Variants in CNTLN observed in about 807,000 individuals in gnomAD.
The protein encoded by CNTLN is centlein, centrosomal protein.
Under a neutral mutation model 180.0 loss-of-function variants are expected in CNTLN, and 212 were observed. The observed-to-expected ratio is 1.18, with a 90% CI of 1.05 to 1.32. The LOEUF is 1.32. Among genes scored for constraint, CNTLN ranks in the 40% most tolerant of loss-of-function variants. CNTLN has a pLI of 0.00. For synonymous variants in CNTLN, 722 were observed against 563.1 expected, an observed-to-expected ratio of 1.28 and a Z score of -3.99; for missense variants, 2,095 against 1,610.9, an observed-to-expected ratio of 1.30 and a Z score of -5.14.
At chr9:17,357,916 C>T (rs9695844) in intron 12 of CNTLN, among the ~76,000 whole-genome samples, 88,845 of 151,564 alleles carry the variant, frequency 0.59, 26,343 homozygotes, top group East Asian at 0.73. Context: ...GGCTTTAGAA[C>T]AGTTTGTTTT....
At chr9:17,490,601 T>C (rs1833111478) in intron 25 of CNTLN, among the ~76,000 whole-genome samples, 1 of 151,998 alleles carries the variant, frequency 6.6e-6, no homozygotes, top group African/African-American at 2.4e-5. Flanking sequence ...GAGTGACTGC[T>C]TACGGATAGA....
chr9:17,176,601 A>T (rs117027046), intron 2 of CNTLN, among the ~76,000 whole-genome samples: 2 of 152,240 alleles, frequency 1.3e-5, no homozygotes, highest in Non-Finnish European at 2.9e-5. Flanking sequence ...GCTTCATAAA[A>T]TGAATCAGGA....
intron 13 of CNTLN, among the ~76,000 whole-genome samples, chr9:17,371,740 A>G (rs568947424): frequency 7.2e-5 from 11 of 152,282 alleles, no homozygotes; most frequent in Admixed American, 6.5e-4. Flanking sequence ...AAAACATTCA[A>G]AAAACTTGAA....
At chr9:17,355,097 T>G (rs1822725827) in intron 12 of CNTLN, among the ~76,000 whole-genome samples, 1 of 152,120 alleles carries the variant, frequency 6.6e-6, no homozygotes, top group South Asian at 2.1e-4. Context: ...CGCGCCACTT[T>G]AAGAGCTGTA....
At chr9:17,290,853 C>G (rs891129728) in intron 6 of CNTLN, among the ~76,000 whole-genome samples, 2 of 152,212 alleles carry the variant, frequency 1.3e-5, no homozygotes, top group East Asian at 3.9e-4. Context: ...GGCAATGCCT[C>G]GCCCTGCTTC....
intron 18 of CNTLN, among the ~76,000 whole-genome samples, chr9:17,431,169 A>C (rs1177290397): frequency 6.6e-6 from 1 of 152,104 alleles, no homozygotes; most frequent in Non-Finnish European, 1.5e-5. Context: ...ATGTCCATCA[A>C]TAGTGTATGA....
At chr9:17,354,366 T>C (rs1822640270) in intron 12 of CNTLN, among the ~76,000 whole-genome samples, 1 of 152,274 alleles carries the variant, frequency 6.6e-6, no homozygotes, top group South Asian at 2.1e-4. Flanking sequence ...GCAGCCCCGG[T>C]GCGGGATCCA....
intron 12 of CNTLN, among the ~76,000 whole-genome samples, chr9:17,365,471 C>G (rs1823739081): frequency 6.6e-6 from 1 of 152,168 alleles, no homozygotes; most frequent in South Asian, 2.1e-4. Flanking sequence ...ACCATCCCTA[C>G]TCAGGTCTCA....
intron 12 of CNTLN, among the ~76,000 whole-genome samples, chr9:17,348,489 G>A (rs1439872724): frequency 3.3e-5 from 5 of 151,650 alleles, no homozygotes; most frequent in Admixed American, 6.6e-5. Flanking sequence ...TAGTGTTGGT[G>A]AAAGTGCAGG....
intron 12 of CNTLN, among the ~76,000 whole-genome samples, chr9:17,352,061 A>C (rs1177511020): frequency 1.3e-5 from 2 of 152,146 alleles, no homozygotes; most frequent in African/African-American, 4.8e-5. Context: ...AGGGGTTTTG[A>C]ATTCATAATA....
chr9:17,235,187 A>G (rs948048338), intron 3 of CNTLN, among the ~76,000 whole-genome samples: 6 of 152,338 alleles, frequency 3.9e-5, no homozygotes, highest in Admixed American at 6.5e-5. Flanking sequence ...TATTCTGTCT[A>G]CAGAGCAAGA....
At chr9:17,386,371 A>G (rs1825683097) in intron 13 of CNTLN, among the ~76,000 whole-genome samples, 2 of 152,188 alleles carry the variant, frequency 1.3e-5, no homozygotes, top group Admixed American at 6.5e-5. Flanking sequence ...TATAAATTAG[A>G]ATGAATGTTT....
intron 16 of CNTLN, among the ~76,000 whole-genome samples, chr9:17,410,182 A>G (rs1827732254): frequency 1.3e-5 from 2 of 152,154 alleles, no homozygotes; most frequent in South Asian, 4.1e-4. Flanking sequence ...AATAGATTTT[A>G]TAGAAATTTT....
At position 17,284,274 on chromosome 9, in the gene CNTLN, C is replaced by A. The variant is rs139923410; in HGVS notation, c.983+10408C>A. Reference sequence around the variant, plus strand: ...TTTGGTATCAGGATGATACTGACCTCATAAAATGAATTAGGGAGCAGACCC... The same window carrying A: ...TTTGGTATCAGGATGATACTGACCTAATAAAATGAATTAGGGAGCAGACCC... On this transcript the variant is annotated intron_variant, in intron 6 of 25. Transcript: ENST00000380647. 6.4e-3 allele frequency among the ~76,000 whole-genome samples: 972 copies of A among 152,268 alleles called. 7 individuals are homozygous for A. The highest frequency in any genetic ancestry group is 8.1e-3 in the Admixed American group (124 of 15,296).
At chr9:17,348,830 C>T (rs900713061) in intron 12 of CNTLN, among the ~76,000 whole-genome samples, 3 of 152,026 alleles carry the variant, frequency 2.0e-5, no homozygotes, top group Non-Finnish European at 2.9e-5. Flanking sequence ...GTGCCTGGCC[C>T]TCACTCTGCT....
intron 25 of CNTLN, among the ~76,000 whole-genome samples, chr9:17,488,887 C>G (rs969691223): frequency 6.6e-6 from 1 of 152,082 alleles, no homozygotes; most frequent in African/African-American, 2.4e-5. Context: ...TGGGAAACCG[C>G]TGCTGTTGCT....
chr9:17,369,953 C>G (rs910660637), intron 13 of CNTLN, among the ~76,000 whole-genome samples: 2 of 150,594 alleles, frequency 1.3e-5, no homozygotes, highest in Non-Finnish European at 2.9e-5. Context: ...CGCCACTGCA[C>G]TCCAGCCTGG....
chr9:17,497,032 A>C (rs1411504858), intron 25 of CNTLN, among the ~76,000 whole-genome samples: 8 of 152,176 alleles, frequency 5.3e-5, no homozygotes, highest in Non-Finnish European at 7.4e-5. Context: ...GCTTTGTGTA[A>C]GACCAATGTC....
intron 18 of CNTLN, among the ~76,000 whole-genome samples, chr9:17,440,520 C>T (rs1298282359): frequency 2.8e-5 from 4 of 142,438 alleles, no homozygotes; most frequent in African/African-American, 5.3e-5. Flanking sequence ...ACCTGGGAGA[C>T]GGAGCTTGAA....
Sources: gnomAD v4.1 joint callset for allele counts (sites outside exome capture counted in the v4.1 genomes callset) on GRCh38, gnomAD v4.1.1 for gene constraint, MANE v1.5 for transcripts, NCBI Gene and HGNC (gene_info 2026-07-23, HGNC 2026-07-21) for gene names.